RET: variants seen among roughly 807,000 people sequenced by gnomAD.
The protein encoded by RET is ret proto-oncogene.
Under a neutral mutation model 118.3 loss-of-function variants are expected in RET, and 19 were observed. The ratio of observed to expected loss-of-function variants is 0.16; its 90% CI spans 0.11 to 0.24. The LOEUF (loss-of-function observed/expected upper bound fraction) is 0.24, where lower values mean the gene tolerates loss of function less well. Ranked by LOEUF, RET falls within the 10% of genes least tolerant of loss-of-function variation. The pLI, the probability that RET is intolerant of heterozygous loss-of-function variation, is 1.00. For missense variants in RET, 1,219 were observed against 1,502.1 expected (o/e 0.81, Z 3.12); for synonymous variants, 597 against 644.1 (o/e 0.93, Z 1.11).
At chr10:43,118,891 G>A (rs1838136762) in intron 13 of RET, among the ~76,000 whole-genome samples, 1 of 152,238 alleles carries the variant, frequency 6.6e-6, no homozygotes, top group African/African-American at 2.4e-5. Flanking sequence ...GCCCCGCCCT[G>A]CATGGCAGGA....
chr10:43,124,227 G>A (rs1166201201), intron 17 of RET, among the ~76,000 whole-genome samples: 1 of 152,224 alleles, frequency 6.6e-6, no homozygotes, highest in East Asian at 1.9e-4. Flanking sequence ...CAGGGGAGAT[G>A]GTCTTAGAAA....
At chr10:43,088,969 G>T (rs573314551) in intron 1 of RET, among the ~76,000 whole-genome samples, 1 of 152,148 alleles carries the variant, frequency 6.6e-6, no homozygotes, top group African/African-American at 2.4e-5. Flanking sequence ...CCGTCCTGCC[G>T]GGCACTGGCT....
rs2132677889 is a variant in RET at position 43,102,361 on chromosome 10, C to T, written c.357C>T (p.Leu119=). Residue 119 remains leucine, a synonymous_variant, in exon 3 of 20, where the codon CTC becomes CTT. Transcript: ENST00000355710. ...CTGCAGACCGCGGCTTTCCCCTGCTCACCGTCTACCTCAAGGTCTTCCTGT... is the reference window on the plus strand; with the variant it reads ...CTGCAGACCGCGGCTTTCCCCTGCTTACCGTCTACCTCAAGGTCTTCCTGT... ...LSVRNRGFPL[L]TVYLKVFLSP... is the part of the protein sequence containing the mutation. 1 of 1,614,218 alleles carries T rather than the reference C, an allele frequency of 6.2e-7. No homozygotes were observed. The highest frequency in any genetic ancestry group is 8.5e-7 in the Non-Finnish European group (1 of 1,180,052).
chr10:43,107,399 C>T (rs1350226365), intron 5 of RET, among the ~76,000 whole-genome samples: 4 of 152,122 alleles, frequency 2.6e-5, no homozygotes, highest in South Asian at 2.1e-4. Flanking sequence ...GCAGGTACAC[C>T]GATGGCATGA....
intron 1 of RET, among the ~76,000 whole-genome samples, chr10:43,083,278 C>A (rs1197208366): frequency 6.6e-6 from 1 of 152,232 alleles, no homozygotes; most frequent in African/African-American, 2.4e-5. Context: ...AAACTCGTGA[C>A]CCGGGAAAGC....
At position 43,111,286 on chromosome 10, in the gene RET, A is replaced by T. The variant is rs760832715; in HGVS notation, c.1343A>T (p.Asn448Ile). Reference protein sequence around the residue: ...VQYKLHSSGANCSTLGVVTSA... With the variant: ...VQYKLHSSGAICSTLGVVTSA... ...TACAAGCTGCATTCCTCTGGTGCCA[A>T]CTGCAGCACGCTAGGGGTGGTCACC... The change falls in exon 7 of 20, where the codon AAC becomes ATC. Residue 448 changes from asparagine to isoleucine, a missense_variant. Transcript: ENST00000355710. 6.2e-7 allele frequency: 1 copy of T among 1,614,042 alleles called. No individual in the cohort carries two copies. The highest frequency in any genetic ancestry group is 1.1e-5 in the South Asian group (1 of 91,088).
chr10:43,117,838 TAACG>T (rs1165181228), intron 12 of RET, among the ~76,000 whole-genome samples: 1 of 152,210 alleles, frequency 6.6e-6, no homozygotes, highest in Non-Finnish European at 1.5e-5. Context: ...TCTTGGTAAC[TAACG>T]GAGTGTGAGC....
intron 1 of RET, among the ~76,000 whole-genome samples, chr10:43,098,765 A>G (rs1474884150): frequency 2.0e-5 from 3 of 152,178 alleles, no homozygotes; most frequent in Non-Finnish European, 2.9e-5. Context: ...TTGTATGTAT[A>G]GACCATGTTT....
chr10:43,121,320 T>G (rs1201491848), intron 15 of RET, among the ~76,000 whole-genome samples: 1 of 152,098 alleles, frequency 6.6e-6, no homozygotes, highest in African/African-American at 2.4e-5. Context: ...AAGGCACACA[T>G]TTTAAAAATG....
intron 1 of RET, among the ~76,000 whole-genome samples, chr10:43,085,448 T>C (rs1270721334): frequency 6.6e-6 from 1 of 152,190 alleles, no homozygotes; most frequent in East Asian, 1.9e-4. Context: ...GTCTTAATCC[T>C]GTTTTGGCCC....
rs926444517 is a variant in RET, at chr10:43,129,736, T to A, written c.*1467T>A. 3 of 384,084 alleles carry A rather than the reference T, an allele frequency of 7.8e-6. No homozygotes were observed. Among genetic ancestry groups the A allele is most frequent in the African/African-American group, 6.2e-5 (3 of 48,406 alleles). The allele number at this position is 384,084 out of a possible 1,614,324, so 23.8% of individuals were successfully genotyped here. A position where few individuals can be genotyped will look rare whatever the true frequency, so the allele number is the denominator to read the frequency against. ...CAAAAACAGCAAAATTGTGGCATTTTGTGAGGCCAAGGCTTGGATGCGTGT... is the reference window on the plus strand; with the variant it reads ...CAAAAACAGCAAAATTGTGGCATTTAGTGAGGCCAAGGCTTGGATGCGTGT... On this transcript the variant is annotated 3_prime_UTR_variant, in exon 20 of 20. Coordinates refer to ENST00000355710, the MANE Select transcript of RET (RefSeq NM_020975.6).
At chr10:43,121,589 G>A (rs1838218475) in intron 15 of RET, among the ~76,000 whole-genome samples, 1 of 152,220 alleles carries the variant, frequency 6.6e-6, no homozygotes, top group Admixed American at 6.5e-5. Context: ...CTAGATGTTG[G>A]TTTCCCAAAC....
chr10:43,128,629 C>A lies in RET; in HGVS notation c.*360C>A. On this transcript the variant is annotated 3_prime_UTR_variant, in exon 20 of 20. Coordinates refer to ENST00000355710, the MANE Select transcript of RET (RefSeq NM_020975.6). ...TTACTACCTGGTGTATGAAATTGGA[C>A]CTGAACTGTTGGATTTTTCTAGTTG... 1 of 417,292 alleles carries A rather than the reference C, an allele frequency of 2.4e-6. No individual in the cohort carries two copies. The highest frequency in any genetic ancestry group is 2.6e-5 in the South Asian group (1 of 38,704). The allele number at this position is 417,292 out of a possible 1,614,324, so 25.8% of individuals were successfully genotyped here.
chr10:43,077,253 C>A lies in RET; in HGVS notation c.-6C>A. ...CCTCCAGCCGTGGCCCCAGCGCGCACGGGCGATGGCGAAGGCGACGTCCGG... is the reference window on the plus strand; with the variant it reads ...CCTCCAGCCGTGGCCCCAGCGCGCAAGGGCGATGGCGAAGGCGACGTCCGG... On this transcript the variant is annotated 5_prime_UTR_variant, in exon 1 of 20. Transcript: ENST00000355710. 2 of 1,500,346 alleles carry A rather than the reference C, an allele frequency of 1.3e-6. No homozygotes were observed. Among genetic ancestry groups the A allele is most frequent in the South Asian group, 1.2e-5 (1 of 80,598 alleles). 92.9% of individuals were successfully genotyped at this position (1,500,346 alleles called of 1,614,324 possible).
At chr10:43,092,770 C>G (rs1339639745) in intron 1 of RET, among the ~76,000 whole-genome samples, 1 of 152,218 alleles carries the variant, frequency 6.6e-6, no homozygotes, top group Non-Finnish European at 1.5e-5. Context: ...TCCTCAGCCT[C>G]AGGCTTGTTT....
intron 1 of RET, among the ~76,000 whole-genome samples, chr10:43,085,376 C>CA (rs1837267890): frequency 6.6e-6 from 1 of 152,238 alleles, no homozygotes; most frequent in Admixed American, 6.5e-5. Flanking sequence ...GCTGAACTCT[C>CA]TCCTTTGGAC....
At chr10:43,107,814 A>G (rs1207715875) in intron 5 of RET, among the ~76,000 whole-genome samples, 1 of 152,152 alleles carries the variant, frequency 6.6e-6, no homozygotes, top group African/African-American at 2.4e-5. Context: ...CAGAAGGTAT[A>G]CATTGGTTTG....
intron 16 of RET, 114 bp downstream of exon 16, chr10:43,122,130 G>A: frequency 1.2e-6 from 1 of 834,188 alleles, no homozygotes; most frequent in Non-Finnish European, 2.1e-6. Flanking sequence ...CTGGCCCTGA[G>A]CACCTGTCTG....
At chr10:43,087,312 A>C (rs1342280599) in intron 1 of RET, among the ~76,000 whole-genome samples, 3 of 152,006 alleles carry the variant, frequency 2.0e-5, no homozygotes, top group Non-Finnish European at 4.4e-5. Flanking sequence ...GAGATCCTGC[A>C]CTCCACACCG....
Sources: allele counts gnomAD v4.1 joint callset (sites outside exome capture counted in the v4.1 genomes callset), GRCh38; gene constraint gnomAD v4.1.1; transcripts MANE v1.5; gene names NCBI Gene and HGNC (gene_info 2026-07-23, HGNC 2026-07-21).